The following PPFIBP1 variants were observed in gnomAD, a reference collection of about 807,000 sequenced individuals.
The protein encoded by PPFIBP1 is liprin-beta-1.
PPFIBP1 carries 112 observed loss-of-function variants against 137.8 expected under a neutral mutation model. The observed-to-expected ratio is 0.81, with a 90% CI of 0.70 to 0.95. The LOEUF is 0.95. PPFIBP1 is among the 40% of genes least tolerant of loss of function. PPFIBP1 has a pLI of 0.00. For synonymous variants in PPFIBP1, 378 were observed against 417.3 expected (o/e 0.91, Z 1.15); for missense variants, 1,083 against 1,196.6 (o/e 0.91, Z 1.40).
intron 2 of PPFIBP1, among the ~76,000 whole-genome samples, chr12:27,595,795 G>A (rs1188896441): frequency 6.6e-6 from 1 of 150,986 alleles, no homozygotes; most frequent in Non-Finnish European, 1.5e-5. Context: ...CAGAGGTTGC[G>A]GTGAGCGGAG....
chr12:27,586,030 T>C (rs2051705618), intron 2 of PPFIBP1, among the ~76,000 whole-genome samples: 1 of 152,192 alleles, frequency 6.6e-6, no homozygotes, highest in Non-Finnish European at 1.5e-5. Flanking sequence ...GATTTTAAAA[T>C]AGAGGAATTG....
intron 1 of PPFIBP1, among the ~76,000 whole-genome samples, chr12:27,571,483 T>TC (rs1324337908): frequency 6.6e-6 from 1 of 152,114 alleles, no homozygotes; most frequent in South Asian, 2.1e-4. Flanking sequence ...CATTTTTTTT[T>TC]CCCTCAAACA....
chr12:27,586,130 G>A (rs1368924349), intron 2 of PPFIBP1, among the ~76,000 whole-genome samples: 1 of 152,186 alleles, frequency 6.6e-6, no homozygotes, highest in East Asian at 1.9e-4. Context: ...GGCTAATACT[G>A]TTAGTGTTGC....
chr12:27,535,957 C>T (rs965105501), intron 1 of PPFIBP1, among the ~76,000 whole-genome samples: 1 of 152,142 alleles, frequency 6.6e-6, no homozygotes, highest in Non-Finnish European at 1.5e-5. Context: ...TCATTTTCAG[C>T]ATAAGTGGTT....
chr12:27,644,918 T>TC (rs1398716450), intron 4 of PPFIBP1, among the ~76,000 whole-genome samples: 2 of 151,876 alleles, frequency 1.3e-5, no homozygotes, highest in African/African-American at 4.8e-5. Context: ...AAGCCCTGTT[T>TC]TTTTTCTTCC....
chr12:27,585,611 T>C (rs1459927354), intron 2 of PPFIBP1, among the ~76,000 whole-genome samples: 5 of 152,142 alleles, frequency 3.3e-5, no homozygotes, highest in African/African-American at 1.2e-4. Context: ...TTTTGTCTAG[T>C]GGGAGGGAAA....
At chr12:27,582,621 T>C (rs1397575084) in intron 2 of PPFIBP1, among the ~76,000 whole-genome samples, 1 of 152,220 alleles carries the variant, frequency 6.6e-6, no homozygotes, top group South Asian at 2.1e-4. Context: ...CCTTCTGTAC[T>C]GTAGCGCTGT....
At chr12:27,592,200 G>T (rs1172813243) in intron 2 of PPFIBP1, among the ~76,000 whole-genome samples, 1 of 152,222 alleles carries the variant, frequency 6.6e-6, no homozygotes, top group Non-Finnish European at 1.5e-5. Context: ...TGGATTTGGA[G>T]CTGTCGTCCT....
At chr12:27,663,045 A>G (rs1479044226) in intron 11 of PPFIBP1, among the ~76,000 whole-genome samples, 1 of 152,156 alleles carries the variant, frequency 6.6e-6, no homozygotes, top group Non-Finnish European at 1.5e-5. Context: ...AATTTAGGAT[A>G]GTGTCACTCA....
At chr12:27,595,571 T>A (rs2053114886) in intron 2 of PPFIBP1, among the ~76,000 whole-genome samples, 1 of 152,040 alleles carries the variant, frequency 6.6e-6, no homozygotes, top group South Asian at 2.1e-4. Flanking sequence ...TTCTGTGCCC[T>A]AGGCCGGGCG....
At chr12:27,656,992 A>G (rs2059242115) in intron 9 of PPFIBP1, 2 of 301,990 alleles carry the variant, frequency 6.6e-6, no homozygotes, top group African/African-American at 4.5e-5. Flanking sequence ...TCTCATCACA[A>G]GGATGGACTT....
At chr12:27,541,813 A>G (rs2136019890) in intron 1 of PPFIBP1, among the ~76,000 whole-genome samples, 1 of 152,230 alleles carries the variant, frequency 6.6e-6, no homozygotes, top group Middle Eastern at 3.4e-3. Context: ...ACCACTCAAT[A>G]GATGCATCAT....
chr12:27,632,571 C>A (rs1275767905), intron 2 of PPFIBP1, among the ~76,000 whole-genome samples: 1 of 152,088 alleles, frequency 6.6e-6, no homozygotes, highest in East Asian at 1.9e-4. Context: ...CAGGATAAAC[C>A]CATCTTCAGA....
At position 27,669,318 on chromosome 12, in the gene PPFIBP1, G is replaced by A. The variant is rs567131130; in HGVS notation, c.1146+1998G>A. Among the ~76,000 whole-genome samples, 66 of 152,202 alleles carry A rather than the reference G, an allele frequency of 4.3e-4. 1 individual carries two copies. The highest frequency in any genetic ancestry group is 1.4e-3 in the African/African-American group (57 of 41,550). On this transcript the variant is annotated intron_variant, in intron 13 of 29. Transcript: ENST00000228425. Reference sequence around the variant, plus strand: ...CTTTGGTGGAAAATATCCCCTAATTGTTAGATATATATTTATATCGAAAGC... The same window carrying A: ...CTTTGGTGGAAAATATCCCCTAATTATTAGATATATATTTATATCGAAAGC...
At chr12:27,608,582 C>T (rs1195463397) in intron 2 of PPFIBP1, among the ~76,000 whole-genome samples, 4 of 152,140 alleles carry the variant, frequency 2.6e-5, no homozygotes, top group Non-Finnish European at 4.4e-5. Context: ...AGCATTTACC[C>T]TTAAAAAATG....
intron 1 of PPFIBP1, among the ~76,000 whole-genome samples, chr12:27,575,514 A>T (rs2050483087): frequency 6.6e-6 from 1 of 152,220 alleles, no homozygotes; most frequent in African/African-American, 2.4e-5. Flanking sequence ...TCTCAAAGAG[A>T]TCCATAGAAA....
chr12:27,541,084 C>T (rs1220207705), intron 1 of PPFIBP1, among the ~76,000 whole-genome samples: 1 of 152,114 alleles, frequency 6.6e-6, no homozygotes, highest in African/African-American at 2.4e-5. Context: ...TCTGTCTATA[C>T]TAAAATGAAC....
At chr12:27,677,379 G>A in intron 19 of PPFIBP1, 1 of 503,352 alleles carries the variant, frequency 2.0e-6, no homozygotes, top group Non-Finnish European at 3.6e-6. Context: ...GGGCAGGAAT[G>A]TCCTGGCATT....
intron 16 of PPFIBP1, 137 bp from the exon 17 acceptor site, chr12:27,674,055 A>G (rs1593295353): frequency 2.3e-6 from 2 of 862,696 alleles, no homozygotes; most frequent in Non-Finnish European, 3.6e-6. Context: ...AACATTTTGG[A>G]AAATAAACAA....
Sources: allele counts gnomAD v4.1 joint callset (sites outside exome capture counted in the v4.1 genomes callset), GRCh38; gene constraint gnomAD v4.1.1; transcripts MANE v1.5; gene names NCBI Gene and HGNC (gene_info 2026-07-23, HGNC 2026-07-21).